LIPA: variants seen among roughly 807,000 people sequenced by gnomAD.
The protein encoded by LIPA is lysosomal acid lipase/cholesteryl ester hydrolase.
In LIPA, 26 loss-of-function variants were observed where a neutral mutation model predicts 40.6. The observed-to-expected ratio is 0.64, with a 90% CI of 0.47 to 0.89. The LOEUF (loss-of-function observed/expected upper bound fraction) is 0.89. Among genes scored for constraint, LIPA ranks in the 40% least tolerant of loss-of-function variants. The pLI, the probability that LIPA is intolerant of heterozygous loss-of-function variation, is 0.00. For synonymous variants in LIPA, 188 were observed against 168.4 expected, an observed-to-expected ratio of 1.12 and a Z score of -0.90; for missense variants, 455 against 479.6, an observed-to-expected ratio of 0.95 and a Z score of 0.48.
intron 9 of LIPA, among the ~76,000 whole-genome samples, chr10:89,215,451 G>A (rs1307343355): frequency 3.3e-5 from 5 of 152,172 alleles, no homozygotes; most frequent in African/African-American, 9.7e-5. Context: ...AATTCTCTAA[G>A]CCTCACTGTC....
intron 1 of LIPA, among the ~76,000 whole-genome samples, chr10:89,297,883 G>A (rs907583025): frequency 7.2e-5 from 11 of 152,188 alleles, no homozygotes; most frequent in Non-Finnish European, 1.6e-4. Context: ...TGCTGTGAGT[G>A]GTGACTGCAC....
At chr10:89,412,725 G>A in intron 2 of LIPA, 1 of 436,402 alleles carries the variant, frequency 2.3e-6, no homozygotes, top group Non-Finnish European at 4.6e-6. Context: ...CCACCTTTAA[G>A]ATCTGTAACA....
chr10:89,226,073 A>G (rs1842766486), intron 5 of LIPA, among the ~76,000 whole-genome samples: 1 of 152,144 alleles, frequency 6.6e-6, no homozygotes, highest in Admixed American at 6.5e-5. Flanking sequence ...ACCCTCTCTG[A>G]CGTCTTGCCA....
intron 1 of LIPA, among the ~76,000 whole-genome samples, chr10:89,320,079 G>T (rs1225643271): frequency 1.3e-5 from 2 of 152,022 alleles, no homozygotes; most frequent in Non-Finnish European, 2.9e-5. Context: ...AAAATAATAA[G>T]AGCTATTTAT....
Position 89,384,441 on chromosome 10 carries a change from A to T in LIPA, c.61+28350T>A. ...GCATGAAGATCTTTGAAGATCAGCT[A>T]AAGCAAGAGATTCATTACCACTACG... On this transcript the variant is annotated intron_variant, in intron 2 of 8. Transcript: ENST00000371837. The T allele has an allele frequency of 2.5e-6, 4 of 1,614,240 alleles. No individual in the cohort carries two copies. The South Asian group carries it at 4.4e-5, about 18-fold the overall frequency.
At chr10:89,413,265 A>G (rs1458920490) in intron 1 of LIPA, among the ~76,000 whole-genome samples, 1 of 152,176 alleles carries the variant, frequency 6.6e-6, no homozygotes, top group Non-Finnish European at 1.5e-5. Context: ...TTTTAAATTT[A>G]TATTAAATTA....
chr10:89,292,898 C>T lies in LIPA; in HGVS notation c.-1-45249G>A, dbSNP rs559138537. On this transcript the variant is annotated intron_variant, in intron 1 of 5. Transcript: ENST00000282673. ...TCCTGGCCTCAAGCAATTCTCCTGC[C>T]TCTGCCCCTCAAAGTGCTGAGATTA... is the stretch of plus-strand genomic sequence containing the variant. Among the ~76,000 whole-genome samples, 4 of 151,982 alleles carry T rather than the reference C, an allele frequency of 2.6e-5. No individual in the cohort carries two copies. The South Asian group carries it at 6.2e-4, about 24-fold the overall frequency.
chr10:89,384,292 T>C (rs1461331828), intron 2 of LIPA: 2 of 1,614,196 alleles, frequency 1.2e-6, no homozygotes, highest in Non-Finnish European at 8.5e-7. Context: ...ATTGGCTATA[T>C]GCAAATTTGA....
At chr10:89,377,031 C>G (rs1012464941) in intron 2 of LIPA, among the ~76,000 whole-genome samples, 1 of 152,222 alleles carries the variant, frequency 6.6e-6, no homozygotes, top group Non-Finnish European at 1.5e-5. Context: ...TATCTTGGTG[C>G]ACTACCCCTA....
chr10:89,326,303 G>T (rs971510097), intron 1 of LIPA, among the ~76,000 whole-genome samples: 4 of 152,188 alleles, frequency 2.6e-5, no homozygotes, highest in African/African-American at 9.6e-5. Context: ...GGATAGAAGT[G>T]GAGGTCATTA....
intron 2 of LIPA, chr10:89,404,972 A>T (rs1844506477): frequency 6.6e-6 from 1 of 151,876 alleles, no homozygotes; most frequent in South Asian, 2.1e-4. Flanking sequence ...AAAAAAAAAA[A>T]GTTCTCTCCA....
At chr10:89,257,312 C>T (rs1480903282) in intron 1 of LIPA, among the ~76,000 whole-genome samples, 1 of 152,128 alleles carries the variant, frequency 6.6e-6, no homozygotes, top group African/African-American at 2.4e-5. Context: ...ATTTTGACAA[C>T]TTTCACAACT....
intron 2 of LIPA, among the ~76,000 whole-genome samples, chr10:89,391,583 A>C (rs1844251914): frequency 6.6e-6 from 1 of 151,644 alleles, no homozygotes; most frequent in African/African-American, 2.4e-5. Flanking sequence ...AGACTGGAGT[A>C]CAGTGGTGTG....
intron 7 of LIPA, 136 bp from the exon 8 acceptor site, chr10:89,222,718 A>T (rs1249985655): frequency 2.9e-6 from 2 of 697,478 alleles, no homozygotes; most frequent in Non-Finnish European, 5.2e-6. Flanking sequence ...AGGTAGAAAA[A>T]AATTATTTGA....
chr10:89,350,709 AT>A (rs2133586271), intron 2 of LIPA, among the ~76,000 whole-genome samples: 1 of 152,308 alleles, frequency 6.6e-6, no homozygotes, highest in South Asian at 2.1e-4. Context: ...CAATTGAGAC[AT>A]GCATTACATC....
chr10:89,336,510 T>C (rs1488513898), intron 1 of LIPA, among the ~76,000 whole-genome samples: 2 of 152,192 alleles, frequency 1.3e-5, no homozygotes, highest in East Asian at 1.9e-4. Context: ...GGAAGTATAA[T>C]AGATCAGTAC....
intron 1 of LIPA, among the ~76,000 whole-genome samples, chr10:89,329,800 C>A (rs1482071426): frequency 6.6e-6 from 1 of 152,138 alleles, no homozygotes; most frequent in Admixed American, 6.5e-5. Flanking sequence ...GACCACCAAA[C>A]AGGCTTTGTG....
intron 1 of LIPA, chr10:89,277,893 G>A (rs1487333222): frequency 6.6e-6 from 1 of 151,906 alleles, no homozygotes; most frequent in Non-Finnish European, 1.5e-5. Context: ...CCTTTCTCTT[G>A]TTTTCATTTG....
rs141897350 is a variant in LIPA, at chr10:89,364,321, C to T, written c.61+48470G>A. On this transcript the variant is annotated intron_variant, in intron 2 of 8. Coordinates refer to the LIPA transcript ENST00000371837. ...ATTTGCAATTGGAATTGACAACTTC[C>T]ATTTTCAGTCTACTAGGTCAGCTGT... Among the ~76,000 whole-genome samples, 193 of 152,296 alleles carry T rather than the reference C, an allele frequency of 1.3e-3. 1 individual carries two copies. Among genetic ancestry groups the T allele is most frequent in the African/African-American group, 4.5e-3 (188 of 41,562 alleles).
Sources: gnomAD v4.1 joint callset for allele counts (sites outside exome capture counted in the v4.1 genomes callset) on GRCh38, gnomAD v4.1.1 for gene constraint, MANE v1.5 for transcripts, NCBI Gene and HGNC (gene_info 2026-07-23, HGNC 2026-07-21) for gene names.